Variants in NEGR1 observed in about 807,000 individuals in gnomAD.
NEGR1 encodes the protein IgLON family member 4.
Under a neutral mutation model 40.9 loss-of-function variants are expected in NEGR1, and 10 were observed. The observed-to-expected ratio is 0.24, with a 90% CI of 0.15 to 0.42. The LOEUF (loss-of-function observed/expected upper bound fraction) is 0.42, where lower values mean the gene tolerates loss of function less well. NEGR1 is among the 10% of genes least tolerant of loss of function. The pLI is 1.00. For missense variants in NEGR1, 352 were observed against 438.9 expected, an observed-to-expected ratio of 0.80 and a Z score of 1.77; for synonymous variants, 185 against 166.8, an observed-to-expected ratio of 1.11 and a Z score of -0.84.
rs1385910 is a variant in NEGR1, at chr1:72,109,033, T to C, written c.176+173286A>G. Among the ~76,000 whole-genome samples, 803 of 151,760 alleles carry C rather than the reference T, an allele frequency of 5.3e-3. 20 individuals are homozygous for C. The highest frequency in any genetic ancestry group is 0.041 in the Admixed American group (618 of 15,186). On this transcript the variant is annotated intron_variant, in intron 1 of 6. Coordinates refer to ENST00000357731, the MANE Select transcript of NEGR1 (RefSeq NM_173808.3). ...GACATTATCACACAAGGTTATCAAGTGTAGAAAACAGGTGTAATTCTATTA... is the reference window on the plus strand; with the variant it reads ...GACATTATCACACAAGGTTATCAAGCGTAGAAAACAGGTGTAATTCTATTA...
chr1:71,633,929 A>C (rs1651057901), intron 4 of NEGR1, among the ~76,000 whole-genome samples: 1 of 152,068 alleles, frequency 6.6e-6, no homozygotes, highest in African/African-American at 2.4e-5. Flanking sequence ...TGAGTATTAC[A>C]ATCTGGTGCA....
At chr1:71,501,880 A>C (rs1647001597) in intron 6 of NEGR1, among the ~76,000 whole-genome samples, 1 of 152,232 alleles carries the variant, frequency 6.6e-6, no homozygotes, top group Admixed American at 6.5e-5. Context: ...AATTACTTAT[A>C]TATTCAAAAG....
At chr1:72,223,656 G>A (rs1489776953) in intron 1 of NEGR1, among the ~76,000 whole-genome samples, 1 of 152,064 alleles carries the variant, frequency 6.6e-6, no homozygotes, top group East Asian at 1.9e-4. Context: ...TAAATAGCAA[G>A]TGATGCTATT....
At chr1:71,468,804 T>C (rs987324492) in intron 6 of NEGR1, 5 of 152,078 alleles carry the variant, frequency 3.3e-5, no homozygotes, top group Non-Finnish European at 7.4e-5. Context: ...GCAATTTCCA[T>C]TGGCCTGTAT....
intron 2 of NEGR1, among the ~76,000 whole-genome samples, chr1:71,913,795 A>G (rs777149631): frequency 2.2e-4 from 34 of 151,972 alleles, no homozygotes; most frequent in Non-Finnish European, 4.4e-4. Context: ...CTATTATTTT[A>G]CAGTCATTTA....
At position 71,448,925 on chromosome 1, in the gene NEGR1, A is replaced by C. The variant is rs1342558671; in HGVS notation, c.941-41355T>G. On this transcript the variant is annotated intron_variant, in intron 6 of 6. Coordinates refer to ENST00000357731, the MANE Select transcript of NEGR1 (RefSeq NM_173808.3). ...ACTTCTCATTTCCGCCTCTTTCAAGAGGCTTGTAATATGGTTTGATGCCAC... is the reference window on the plus strand; with the variant it reads ...ACTTCTCATTTCCGCCTCTTTCAAGCGGCTTGTAATATGGTTTGATGCCAC... 3.3e-5 allele frequency among the ~76,000 whole-genome samples: 5 copies of C among 152,304 alleles called. No homozygotes were observed. The East Asian group carries it at 9.7e-4, about 29-fold the overall frequency.
At chr1:71,911,771 A>G (rs778602070) in intron 2 of NEGR1, among the ~76,000 whole-genome samples, 1 of 152,222 alleles carries the variant, frequency 6.6e-6, no homozygotes. Flanking sequence ...AGTTTGATAG[A>G]AGATCGACTG....
At chr1:71,765,960 G>A (rs749188048) in intron 3 of NEGR1, among the ~76,000 whole-genome samples, 2 of 152,070 alleles carry the variant, frequency 1.3e-5, no homozygotes, top group Non-Finnish European at 2.9e-5. Context: ...CAGATCATGA[G>A]GTCAGGAGTT....
intron 6 of NEGR1, among the ~76,000 whole-genome samples, chr1:71,536,582 G>A (rs1358637856): frequency 6.6e-6 from 1 of 151,688 alleles, no homozygotes; most frequent in Non-Finnish European, 1.5e-5. Flanking sequence ...TTATCTAGCC[G>A]CAGGTATTCC....
intron 4 of NEGR1, among the ~76,000 whole-genome samples, chr1:71,633,360 G>A (rs1369136079): frequency 6.6e-6 from 1 of 152,018 alleles, no homozygotes; most frequent in Non-Finnish European, 1.5e-5. Flanking sequence ...AATTTAAACT[G>A]AGCAATTCCA....
intron 2 of NEGR1, among the ~76,000 whole-genome samples, chr1:71,895,089 C>G (rs200973126): frequency 1.3e-5 from 2 of 152,232 alleles, no homozygotes; most frequent in South Asian, 4.2e-4. Context: ...TTTTGGAAGC[C>G]TTGGATAGGA....
At chr1:71,611,279 T>A in intron 4 of NEGR1, 133 bp from the exon 5 acceptor site, 1 of 746,134 alleles carries the variant, frequency 1.3e-6, no homozygotes, top group Non-Finnish European at 2.1e-6. Context: ...CGCATCACAT[T>A]TTCAGTGTTT....
Position 72,041,826 on chromosome 1 carries a change from ATTATATATATT to A in NEGR1, c.177-106526_177-106516del, listed in dbSNP as rs1324555405. 4.6e-4 allele frequency among the ~76,000 whole-genome samples: 68 copies of A among 146,324 alleles called. 1 individual carries two copies. Among genetic ancestry groups the A allele is most frequent in the East Asian group, 4.0e-4 (2 of 5,060 alleles). ...TATATATGTAATATTTAAAATATAC[ATTATATATATT>A]TTATATATATTATATATTTTATAAA... On this transcript the variant is annotated intron_variant, in intron 1 of 6. Transcript: ENST00000357731.
chr1:71,977,014 G>A (rs1335177485), intron 1 of NEGR1, among the ~76,000 whole-genome samples: 1 of 152,080 alleles, frequency 6.6e-6, no homozygotes, highest in African/African-American at 2.4e-5. Context: ...TAGGTAATAT[G>A]AGATATAAAG....
intron 2 of NEGR1, among the ~76,000 whole-genome samples, chr1:71,845,303 TTG>T (rs1172492116): frequency 1.3e-5 from 2 of 152,062 alleles, no homozygotes; most frequent in Non-Finnish European, 2.9e-5. Context: ...AGTAACCAAT[TTG>T]TGCATAAATA....
At chr1:71,625,517 T>C (rs527843304) in intron 4 of NEGR1, among the ~76,000 whole-genome samples, 2 of 151,998 alleles carry the variant, frequency 1.3e-5, no homozygotes, top group African/African-American at 2.4e-5. Context: ...AGGATGTGCA[T>C]AGGTTCTATG....
chr1:71,989,241 G>A (rs1221119557), intron 1 of NEGR1, among the ~76,000 whole-genome samples: 2 of 152,158 alleles, frequency 1.3e-5, no homozygotes, highest in African/African-American at 2.4e-5. Flanking sequence ...GACTCCCAAA[G>A]TACATGTAAA....
chr1:72,182,027 C>G (rs374217119), intron 1 of NEGR1, among the ~76,000 whole-genome samples: 1 of 152,148 alleles, frequency 6.6e-6, no homozygotes, highest in South Asian at 2.1e-4. Flanking sequence ...GGAATTCATA[C>G]TAATTTAATA....
At chr1:71,435,114 A>AAAC (rs1646500000) in intron 6 of NEGR1, among the ~76,000 whole-genome samples, 4 of 148,946 alleles carry the variant, frequency 2.7e-5, no homozygotes, top group African/African-American at 5.0e-5. Flanking sequence ...AACAAACAAA[A>AAAC]AAAAAAAAAA....
Sources: allele counts gnomAD v4.1 joint callset (sites outside exome capture counted in the v4.1 genomes callset), GRCh38; gene constraint gnomAD v4.1.1; transcripts MANE v1.5; gene names NCBI Gene and HGNC (gene_info 2026-07-23, HGNC 2026-07-21).